Variants in MAPK8IP3 observed in about 807,000 individuals in gnomAD.
MAPK8IP3 encodes the protein C-Jun-amino-terminal kinase-interacting protein 3.
Under a neutral mutation model 157.8 loss-of-function variants are expected in MAPK8IP3, and 49 were observed. The observed-to-expected ratio is 0.31, with a 90% CI of 0.25 to 0.39. The LOEUF (loss-of-function observed/expected upper bound fraction) is 0.39, where lower values mean the gene tolerates loss of function less well. Ranked by LOEUF, MAPK8IP3 falls within the 10% of genes least tolerant of loss-of-function variation. MAPK8IP3 has a pLI of 1.00. For missense variants in MAPK8IP3, 1,478 were observed against 1,889.4 expected, an observed-to-expected ratio of 0.78 and a Z score of 4.04; for synonymous variants, 897 against 777.7, an observed-to-expected ratio of 1.15 and a Z score of -2.55.
At position 1,768,757 on chromosome 16, in the gene MAPK8IP3, A is replaced by C; in HGVS notation, c.3947A>C (p.Lys1316Thr). Reference protein sequence around the residue: ...EEGAGDMSQVKPVLSKAERSH... With the variant: ...EEGAGDMSQVTPVLSKAERSH... ...GGCGCAGGGGACATGAGCCAGGTGA[A>C]GCCCGTGCTGTCCAAGGCAGAGCGC... Residue 1316 changes from lysine (K) to threonine (T), a missense_variant, in exon 32 of 32, where the codon AAG (lysine) becomes ACG (threonine). Lys to Thr is a moderately conservative substitution (Grantham distance 78). Around this residue, in one of 11 missense-constraint regions of MAPK8IP3, gnomAD observed 133 missense variants for 133.4 expected, o/e 1.00. Coordinates refer to ENST00000610761, the MANE Select transcript of MAPK8IP3 (RefSeq NM_001318852.2). 1 of 1,612,796 alleles carries C rather than the reference A, an allele frequency of 6.2e-7. No homozygotes were observed. Among genetic ancestry groups the C allele is most frequent in the Non-Finnish European group, 8.5e-7 (1 of 1,179,850 alleles).
At chr16:1,738,999 T>TGA (rs1234633266) in intron 4 of MAPK8IP3, among the ~76,000 whole-genome samples, 3 of 124,204 alleles carry the variant, frequency 2.4e-5, no homozygotes, top group African/African-American at 6.3e-5. Context: ...AGCATCCGTG[T>TGA]GTGTGACCAT....
In MAPK8IP3 at chr16:1,743,508, C is replaced by G. The variant is rs192553660; in HGVS notation, c.747+32C>G. 209 of 1,602,784 alleles carry G rather than the reference C, an allele frequency of 1.3e-4. No homozygotes were observed. The highest frequency in any genetic ancestry group is 4.0e-4 in the Admixed American group (24 of 59,288). ...TAGCCGTGCCGTGGAGTGAGAGGCT[C>G]CTCCCTGTTGCTGGTGTTCCCCGTT... On this transcript the variant is annotated intron_variant, in intron 5 of 31. Coordinates refer to ENST00000610761, the MANE Select transcript of MAPK8IP3 (RefSeq NM_001318852.2). This position sits in a 1 kb window ranked among gnomAD's most constrained non-coding sequence, Gnocchi z 5.6.
intron 4 of MAPK8IP3, among the ~76,000 whole-genome samples, chr16:1,737,342 G>A (rs543359526): frequency 3.0e-5 from 3 of 100,400 alleles, no homozygotes; most frequent in Admixed American, 9.4e-5. Context: ...CCGTGTGAGC[G>A]TGACCGTCCG....
chr16:1,726,957 T>G (rs2038917801), intron 2 of MAPK8IP3, among the ~76,000 whole-genome samples: 1 of 152,186 alleles, frequency 6.6e-6, no homozygotes, highest in South Asian at 2.1e-4. Flanking sequence ...CTATAACTCG[T>G]GTGCTGTGTG....
intron 5 of MAPK8IP3, chr16:1,744,174 C>T: frequency 3.0e-6 from 3 of 985,688 alleles, no homozygotes; most frequent in Non-Finnish European, 3.6e-6. Flanking sequence ...TGTGAGCTCA[C>T]TGGCCTCAGT....
At chr16:1,753,286 G>A (rs964385440) in intron 8 of MAPK8IP3, among the ~76,000 whole-genome samples, 5 of 152,010 alleles carry the variant, frequency 3.3e-5, no homozygotes, top group Admixed American at 6.6e-5. Context: ...TTGTTTGTTC[G>A]TTCGTTTGTT....
intron 12 of MAPK8IP3, among the ~76,000 whole-genome samples, chr16:1,760,879 G>A (rs987147095): frequency 6.6e-5 from 10 of 152,324 alleles, no homozygotes; most frequent in Non-Finnish European, 1.2e-4. Context: ...AGGTGTGGGC[G>A]CTCCGAGACC....
In MAPK8IP3 at chr16:1,770,348, A is replaced by G; in HGVS notation, c.*1524A>G. Reference sequence around the variant, plus strand: ...CTGTTCCTGGGCCCAAATCGAAACGAAAACGAGGACTTTATTATAAAAAAA... The same window carrying G: ...CTGTTCCTGGGCCCAAATCGAAACGGAAACGAGGACTTTATTATAAAAAAA... On this transcript the variant is annotated 3_prime_UTR_variant, in exon 32 of 32. Coordinates refer to ENST00000610761, the MANE Select transcript of MAPK8IP3 (RefSeq NM_001318852.2). 1 of 352,590 alleles carries G rather than the reference A, an allele frequency of 2.8e-6. No individual in the cohort carries two copies. The highest frequency in any genetic ancestry group is 5.1e-6 in the Non-Finnish European group (1 of 195,386). The allele number at this position is 352,590 out of a possible 1,614,324, so 21.8% of individuals were successfully genotyped here. A position where few individuals can be genotyped will look rare whatever the true frequency, so the allele number is the denominator to read the frequency against.
rs2037684945 is a variant in MAPK8IP3, at chr16:1,710,280, T to C, written c.318+3623T>C. On this transcript the variant is annotated intron_variant, in intron 1 of 31. Transcript: ENST00000610761. This position sits in a 1 kb window ranked among gnomAD's most constrained non-coding sequence, Gnocchi z 4.1. ...GAGTTTGAGACCAGCCTGGCGAACC[T>C]GGCGAAACCCTGTCTCTACTAAAGA... Among the ~76,000 whole-genome samples, 4 of 150,610 alleles carry C rather than the reference T, an allele frequency of 2.7e-5. No individual in the cohort carries two copies. The highest frequency in any genetic ancestry group is 2.7e-4 in the Admixed American group (4 of 15,074).
At chr16:1,767,521 C>T (rs764987607) in intron 26 of MAPK8IP3, 43 bp from the exon 27 acceptor site, 20 of 1,592,416 alleles carry the variant, frequency 1.3e-5, no homozygotes, top group Admixed American at 3.4e-5. Context: ...CCCACTTCCT[C>T]TCCTCTCCCC....
At position 1,764,473 on chromosome 16, in the gene MAPK8IP3, A is replaced by T. The variant is rs999441338; in HGVS notation, c.2280+14A>T. 72 of 1,606,226 alleles carry T rather than the reference A, an allele frequency of 4.5e-5. No individual in the cohort carries two copies. The highest frequency in any genetic ancestry group is 6.0e-5 in the Non-Finnish European group (71 of 1,177,946). Reference sequence around the variant, plus strand: ...GAGAAGAAGAAGGTGAGCATGGCCGAGGCCACCGGGCACCCTCCCTGGCTT... The same window carrying T: ...GAGAAGAAGAAGGTGAGCATGGCCGTGGCCACCGGGCACCCTCCCTGGCTT... On this transcript the variant is annotated intron_variant, in intron 19 of 31. Transcript: ENST00000610761.
At chr16:1,718,078 C>T (rs901131423) in intron 1 of MAPK8IP3, among the ~76,000 whole-genome samples, 1 of 152,056 alleles carries the variant, frequency 6.6e-6, no homozygotes, top group Non-Finnish European at 1.5e-5. Flanking sequence ...TGGTCTCGAT[C>T]TCCTGACCTC....
intron 4 of MAPK8IP3, among the ~76,000 whole-genome samples, chr16:1,730,342 G>A (rs1394766967): frequency 6.6e-6 from 1 of 152,180 alleles, no homozygotes; most frequent in Non-Finnish European, 1.5e-5. Context: ...GGTGGCTCAC[G>A]CCTGTAATCC....
chr16:1,767,356 C>T (rs2042332949), intron 26 of MAPK8IP3, 59 bp downstream of exon 26: 5 of 1,602,396 alleles, frequency 3.1e-6, no homozygotes, highest in Admixed American at 1.7e-5. Flanking sequence ...AGCAGCTCTC[C>T]CGCATCTTCC....
chr16:1,720,545 G>A (rs577638867), intron 1 of MAPK8IP3, among the ~76,000 whole-genome samples: 3 of 152,064 alleles, frequency 2.0e-5, no homozygotes, highest in East Asian at 3.9e-4. Flanking sequence ...CAAGATGATC[G>A]TACATCTGCT....
At position 1,706,597 on chromosome 16, in the gene MAPK8IP3, C is replaced by T; in HGVS notation, c.258C>T (p.Asp86=). The T allele has an allele frequency of 4.4e-6, 7 of 1,605,204 alleles. No homozygotes were observed. Among genetic ancestry groups the T allele is most frequent in the Non-Finnish European group, 6.0e-6 (7 of 1,176,048 alleles). The change falls in exon 1 of 32, where the codon GAC becomes GAT. Residue 86 remains aspartate (D), a synonymous_variant. Transcript: ENST00000610761. The surrounding 1 kb of genome is among the most constrained non-coding windows in gnomAD (Gnocchi z 5.1). ...TGGAGCTGGAGCTGCTGCGCGAGGA[C>T]AACGAGCAGCTGCTCACCCAGTACG... ...HEVELELLRE[D]NEQLLTQYER...
chr16:1,719,649 T>C (rs1226384321), intron 1 of MAPK8IP3, among the ~76,000 whole-genome samples: 4 of 101,086 alleles, frequency 4.0e-5, no homozygotes, highest in Non-Finnish European at 7.4e-5. Flanking sequence ...CTGGGTAACA[T>C]AGGGAGACCC....
Position 1,764,475 on chromosome 16 carries a change from G to A in MAPK8IP3, c.2280+16G>A. 8.7e-6 allele frequency: 14 copies of A among 1,605,646 alleles called. No homozygotes were observed. Among genetic ancestry groups the A allele is most frequent in the Non-Finnish European group, 1.1e-5 (13 of 1,177,602 alleles). ...GAAGAAGAAGGTGAGCATGGCCGAG[G>A]CCACCGGGCACCCTCCCTGGCTTAG... On this transcript the variant is annotated intron_variant, in intron 19 of 31. Coordinates refer to ENST00000610761, the MANE Select transcript of MAPK8IP3 (RefSeq NM_001318852.2).
chr16:1,768,000 T>TC, intron 28 of MAPK8IP3, 69 bp from the exon 29 acceptor site: 1 of 1,609,634 alleles, frequency 6.2e-7, no homozygotes, highest in East Asian at 2.2e-5. Context: ...CAGGGCCACC[T>TC]TGGAGGGTGC....
Sources: allele counts gnomAD v4.1 joint callset (sites outside exome capture counted in the v4.1 genomes callset), GRCh38; gene constraint gnomAD v4.1.1; regional missense constraint gnomAD v4.1.1; non-coding constraint Gnocchi (gnomAD v3.1); transcripts MANE v1.5; gene names NCBI Gene and HGNC (gene_info 2026-07-23, HGNC 2026-07-21).